The following EYS variants were observed in gnomAD, a reference collection of about 807,000 sequenced individuals.
EYS encodes protein eyes shut homolog.
EYS carries 250 observed loss-of-function variants against 282.1 expected under a neutral mutation model. That is an observed-to-expected ratio of 0.89 (90% confidence interval 0.80 to 0.98). The LOEUF is 0.98. Ranked by LOEUF, EYS falls within the 50% of genes least tolerant of loss-of-function variation. The pLI is 0.00. For missense variants in EYS, 4,016 were observed against 3,709.0 expected (o/e 1.08, Z -2.15); for synonymous variants, 1,355 against 1,282.9 (o/e 1.06, Z -1.20).
chr6:65,317,100 C>A (rs1476898431), intron 11 of EYS, among the ~76,000 whole-genome samples: 1 of 152,062 alleles, frequency 6.6e-6, no homozygotes, highest in Non-Finnish European at 1.5e-5. Context: ...GATATGCTAT[C>A]AATTTATCAT....
At chr6:65,173,186 A>ATATC (rs1291641054) in intron 12 of EYS, among the ~76,000 whole-genome samples, 2 of 151,332 alleles carry the variant, frequency 1.3e-5, no homozygotes, top group Non-Finnish European at 3.0e-5. Context: ...GTGCTGTGAT[A>ATATC]GCCTTACATT....
intron 22 of EYS, among the ~76,000 whole-genome samples, chr6:64,779,281 A>C (rs1206432929): frequency 6.6e-6 from 1 of 152,174 alleles, no homozygotes; most frequent in Non-Finnish European, 1.5e-5. Flanking sequence ...GAACTGAAGT[A>C]TATCTATACA....
At chr6:64,759,295 C>T (rs1773083917) in intron 22 of EYS, among the ~76,000 whole-genome samples, 1 of 152,138 alleles carries the variant, frequency 6.6e-6, no homozygotes, top group Non-Finnish European at 1.5e-5. Context: ...GTGAAATCAG[C>T]TCATGGATTT....
At chr6:65,196,486 T>G in intron 12 of EYS, among the ~76,000 whole-genome samples, 1 of 152,124 alleles carries the variant, frequency 6.6e-6, no homozygotes, top group Non-Finnish European at 1.5e-5. Flanking sequence ...TAATTTTCAC[T>G]CATTCAATCA....
chr6:64,097,924 A>C (rs1158227207), intron 31 of EYS, among the ~76,000 whole-genome samples: 1 of 152,258 alleles, frequency 6.6e-6, no homozygotes, highest in Non-Finnish European at 1.5e-5. Flanking sequence ...GAAATGTGTT[A>C]AAGAATACCT....
chr6:64,721,468 G>A (rs945897646), intron 22 of EYS, among the ~76,000 whole-genome samples: 47 of 152,100 alleles, frequency 3.1e-4, no homozygotes, highest in African/African-American at 1.1e-3. Flanking sequence ...CAGGAAATGA[G>A]ATTTATTCTT....
chr6:64,054,188 A>G (rs571584693), intron 33 of EYS, among the ~76,000 whole-genome samples: 1 of 152,290 alleles, frequency 6.6e-6, no homozygotes, highest in African/African-American at 2.4e-5. Flanking sequence ...TGGAGATGAG[A>G]TAACAAAAAA....
intron 26 of EYS, among the ~76,000 whole-genome samples, chr6:64,520,049 A>G (rs1744482836): frequency 6.6e-6 from 1 of 151,820 alleles, no homozygotes. Context: ...AGGAAACTCT[A>G]AAACAGAGAG....
intron 22 of EYS, among the ~76,000 whole-genome samples, chr6:64,702,763 C>T (rs1219240169): frequency 1.3e-5 from 2 of 152,104 alleles, no homozygotes; most frequent in African/African-American, 4.8e-5. Flanking sequence ...ATACTCTGTA[C>T]TATGCACTGT....
At chr6:65,040,576 A>C (rs1215019405) in intron 13 of EYS, among the ~76,000 whole-genome samples, 1 of 151,652 alleles carries the variant, frequency 6.6e-6, no homozygotes, top group Admixed American at 6.6e-5. Context: ...TTAGAACTTT[A>C]AAATGTGAAT....
chr6:64,593,159 T>C lies in EYS; in HGVS notation c.3835A>G (p.Thr1279Ala), dbSNP rs761504179. 13 of 1,546,262 alleles carry C rather than the reference T, an allele frequency of 8.4e-6. No homozygotes were observed. The highest frequency in any genetic ancestry group is 5.5e-5 in the African/African-American group (4 of 72,650). ...GTGTCCATTATGGCTGGTATTCTAG[T>C]AGCCTTTATAGATGGAAAGCTGCTG... ...LVSSFPSIKATRIPAIMDTYP... is the reference protein window; with the variant it reads ...LVSSFPSIKAARIPAIMDTYP... Residue 1279 changes from threonine to alanine, a missense_variant, in exon 25 of 43, where the codon ACT becomes GCT. Thr to Ala is a moderately conservative substitution (Grantham distance 58, BLOSUM62 0). Transcript: ENST00000503581.
intron 30 of EYS, among the ~76,000 whole-genome samples, chr6:64,245,718 C>T (rs544871993): frequency 3.2e-4 from 48 of 151,946 alleles, no homozygotes; most frequent in Non-Finnish European, 5.7e-4. Context: ...GGAACTTTAT[C>T]TGTGAGAAAA....
chr6:64,408,653 C>T lies in EYS; in HGVS notation c.5928-19813G>A, dbSNP rs923714482. ...GAAAAAATACAATATAGAATGTATT[C>T]ATTCTCCTGTGAGAAGAGATACAAA... On this transcript the variant is annotated intron_variant, in intron 28 of 42. Transcript: ENST00000503581. Among the ~76,000 whole-genome samples, 5 of 152,270 alleles carry T rather than the reference C, an allele frequency of 3.3e-5. No homozygotes were observed. In the South Asian group the frequency reaches 1.0e-3, roughly 32 times the overall value.
At chr6:64,430,087 C>T (rs896376419) in intron 28 of EYS, among the ~76,000 whole-genome samples, 2 of 152,174 alleles carry the variant, frequency 1.3e-5, no homozygotes, top group Non-Finnish European at 2.9e-5. Context: ...TATTCCCGCT[C>T]TAATTGACAC....
intron 33 of EYS, among the ~76,000 whole-genome samples, chr6:64,047,255 A>T (rs1770659408): frequency 6.6e-6 from 1 of 152,178 alleles, no homozygotes; most frequent in Non-Finnish European, 1.5e-5. Flanking sequence ...TAATTCAATA[A>T]TTCCACTTAG....
intron 29 of EYS, among the ~76,000 whole-genome samples, chr6:64,368,023 T>C (rs765528635): frequency 6.6e-6 from 1 of 152,124 alleles, no homozygotes; most frequent in Non-Finnish European, 1.5e-5. Context: ...GGGTTTGGTG[T>C]ACAGATTATT....
intron 1 of EYS, among the ~76,000 whole-genome samples, chr6:65,672,223 G>A (rs991922892): frequency 1.3e-5 from 2 of 152,018 alleles, no homozygotes; most frequent in Admixed American, 6.6e-5. Flanking sequence ...TGAAAAACTG[G>A]TTGTTTACTT....
intron 30 of EYS, among the ~76,000 whole-genome samples, chr6:64,240,689 A>G (rs1766793525): frequency 6.6e-6 from 1 of 152,196 alleles, no homozygotes; most frequent in Admixed American, 6.5e-5. Context: ...CAATCACGTC[A>G]TCTGCAAACA....
intron 14 of EYS, among the ~76,000 whole-genome samples, chr6:64,971,633 CT>C (rs1201896458): frequency 6.6e-6 from 1 of 152,126 alleles, no homozygotes; most frequent in Non-Finnish European, 1.5e-5. Context: ...GGACATGCCC[CT>C]AGCCACTGAC....
Sources: allele counts gnomAD v4.1 joint callset (sites outside exome capture counted in the v4.1 genomes callset), GRCh38; gene constraint gnomAD v4.1.1; transcripts MANE v1.5; gene names NCBI Gene and HGNC (gene_info 2026-07-23, HGNC 2026-07-21).